GPBP1: variants seen among roughly 807,000 people sequenced by gnomAD.
The protein encoded by GPBP1 is GC-rich promoter binding protein 1, also known as vasculin.
GPBP1 carries 13 observed loss-of-function variants against 56.5 expected under a neutral mutation model. The ratio of observed to expected loss-of-function variants is 0.23; its 90% confidence interval spans 0.15 to 0.37. GPBP1 has a LOEUF of 0.37. Among genes scored for constraint, GPBP1 ranks in the 10% least tolerant of loss-of-function variants. GPBP1 has a pLI of 1.00. For synonymous variants in GPBP1, 204 were observed against 188.9 expected (o/e 1.08, Z -0.66); for missense variants, 477 against 572.3 (o/e 0.83, Z 1.70).
At chr5:57,219,403 A>C (rs10073857) in intron 3 of GPBP1, among the ~76,000 whole-genome samples, 1,107 of 59,926 alleles carry the variant, frequency 0.018, 85 homozygotes, top group African/African-American at 0.068. Context: ...AAAAAAAAAA[A>C]CCAAAAACAA....
chr5:57,200,223 G>A (rs1244354876), intron 2 of GPBP1, among the ~76,000 whole-genome samples: 1 of 148,832 alleles, frequency 6.7e-6, no homozygotes, highest in Non-Finnish European at 1.5e-5. Context: ...GCCAAGGCAT[G>A]GATGCAGGCA....
intron 10 of GPBP1, among the ~76,000 whole-genome samples, chr5:57,257,825 G>A (rs1209521592): frequency 6.6e-6 from 1 of 152,136 alleles, no homozygotes; most frequent in African/African-American, 2.4e-5. Context: ...GGGCAAGCGT[G>A]CTAGAAAAAG....
At chr5:57,233,959 C>G (rs1478345110) in intron 5 of GPBP1, among the ~76,000 whole-genome samples, 1 of 152,088 alleles carries the variant, frequency 6.6e-6, no homozygotes, top group African/African-American at 2.4e-5. Flanking sequence ...ATATCCCACC[C>G]CCATTCTCAA....
intron 10 of GPBP1, among the ~76,000 whole-genome samples, chr5:57,259,720 T>C (rs1054934297): frequency 5.9e-5 from 9 of 152,310 alleles, no homozygotes; most frequent in African/African-American, 2.2e-4. Context: ...TGCCCTTGTT[T>C]GATGAGAGGA....
chr5:57,241,942 T>C (rs1740854769), intron 6 of GPBP1, among the ~76,000 whole-genome samples: 1 of 152,212 alleles, frequency 6.6e-6, no homozygotes, highest in Admixed American at 6.5e-5. Context: ...TGTGAATAGA[T>C]GAGCCAATTT....
chr5:57,242,135 A>G lies in GPBP1; in HGVS notation c.479-4165A>G, dbSNP rs184232144. Among the ~76,000 whole-genome samples the G allele has an allele frequency of 5.9e-3, 901 of 152,310 alleles. 5 individuals are homozygous for G. The highest frequency in any genetic ancestry group is 0.01 in the Middle Eastern group (3 of 294). On this transcript the variant is annotated intron_variant, in intron 6 of 11. Coordinates refer to ENST00000506184, the MANE Select transcript of GPBP1 (RefSeq NM_022913.4). The stretch of plus-strand genomic sequence containing the variant: ...GACATAGATTGGTTTTATCATGTCT[A>G]TCTTAAAGTTTTTCTTTTTCTTACT...
At chr5:57,185,258 C>CTTT (rs747214276) in intron 2 of GPBP1, among the ~76,000 whole-genome samples, 5 of 128,666 alleles carry the variant, frequency 3.9e-5, no homozygotes, top group African/African-American at 1.2e-4. Context: ...TTGGTTAGGT[C>CTTT]TTTTTTTTTT....
Position 57,175,392 on chromosome 5 carries a change from A to AT in GPBP1, c.-1010-49dup, listed in dbSNP as rs369404359. The AT allele has an allele frequency of 7.6e-4, 304 of 397,604 alleles. 3 individuals are homozygous for AT. Among genetic ancestry groups the AT allele is most frequent in the African/African-American group, 5.2e-3 (254 of 48,676 alleles). The allele number at this position is 397,604 out of a possible 1,614,324, so 24.6% of individuals were successfully genotyped here. On this transcript the variant is annotated intron_variant, in intron 1 of 11. Transcript: ENST00000506184. ...GGTTGACTTTTTAAGTTGGGGATTG[A>AT]TTTTTTTAGCTCAAAATCAAAACTC...
intron 10 of GPBP1, among the ~76,000 whole-genome samples, chr5:57,255,231 T>C (rs1741604572): frequency 6.6e-6 from 1 of 152,096 alleles, no homozygotes; most frequent in East Asian, 1.9e-4. Context: ...TCCCCTTTCC[T>C]CTCCTCCCCT....
intron 3 of GPBP1, among the ~76,000 whole-genome samples, chr5:57,218,992 A>C (rs1451781722): frequency 2.0e-5 from 3 of 152,236 alleles, no homozygotes; most frequent in Non-Finnish European, 2.9e-5. Context: ...AGCCTAGATT[A>C]GAATCCAGGA....
chr5:57,247,716 A>C (rs76746598), intron 8 of GPBP1, among the ~76,000 whole-genome samples: 2 of 151,770 alleles, frequency 1.3e-5, no homozygotes, highest in African/African-American at 4.8e-5. Context: ...ATGGGGGGGA[A>C]TTCCAAACAT....
chr5:57,239,584 C>T (rs1385680546), intron 6 of GPBP1, among the ~76,000 whole-genome samples: 1 of 151,684 alleles, frequency 6.6e-6, no homozygotes, highest in Non-Finnish European at 1.5e-5. Flanking sequence ...AGTTCAAGAC[C>T]AGCCTGGCCA....
chr5:57,229,957 C>T (rs1580049153), intron 3 of GPBP1, among the ~76,000 whole-genome samples: 1 of 150,216 alleles, frequency 6.7e-6, no homozygotes, highest in Non-Finnish European at 1.5e-5. Flanking sequence ...CGTCCCGTCC[C>T]GTCCCGTCCC....
At chr5:57,188,493 C>T (rs1666954338) in intron 2 of GPBP1, among the ~76,000 whole-genome samples, 1 of 152,030 alleles carries the variant, frequency 6.6e-6, no homozygotes, top group Non-Finnish European at 1.5e-5. Flanking sequence ...GTAATCCCAG[C>T]ATTTTGGAAA....
intron 2 of GPBP1, among the ~76,000 whole-genome samples, chr5:57,194,276 A>G (rs1754654268): frequency 6.6e-6 from 1 of 152,170 alleles, no homozygotes; most frequent in African/African-American, 2.4e-5. Flanking sequence ...TTCTGAGTGT[A>G]ATTTGAGATA....
At chr5:57,239,134 ATC>A (rs1321261434) in intron 6 of GPBP1, among the ~76,000 whole-genome samples, 1 of 152,250 alleles carries the variant, frequency 6.6e-6, no homozygotes, top group African/African-American at 2.4e-5. Flanking sequence ...GACTTTTAAT[ATC>A]TGTCTTATAT....
chr5:57,178,194 C>G (rs762538256), intron 2 of GPBP1, among the ~76,000 whole-genome samples: 1 of 152,140 alleles, frequency 6.6e-6, no homozygotes, highest in African/African-American at 2.4e-5. Context: ...TTAAGTTGAA[C>G]TGGAGTCAAA....
intron 5 of GPBP1, among the ~76,000 whole-genome samples, chr5:57,232,109 T>G (rs1158000709): frequency 1.3e-5 from 2 of 152,098 alleles, no homozygotes; most frequent in African/African-American, 4.8e-5. Context: ...ACTTCTGGGC[T>G]CAGGCAGTCC....
chr5:57,206,963 G>T (rs952165358), intron 2 of GPBP1, among the ~76,000 whole-genome samples: 1 of 152,096 alleles, frequency 6.6e-6, no homozygotes, highest in Admixed American at 6.6e-5. Context: ...AATTAGCTTG[G>T]TGTGGTGGGG....
Sources: allele counts gnomAD v4.1 joint callset (sites outside exome capture counted in the v4.1 genomes callset), GRCh38; gene constraint gnomAD v4.1.1; transcripts MANE v1.5; gene names NCBI Gene and HGNC (gene_info 2026-07-23, HGNC 2026-07-21).